EMID1: variants seen among roughly 807,000 people sequenced by gnomAD.
EMID1 encodes the protein EMI domain containing 1.
EMID1 carries 40 observed loss-of-function variants against 60.6 expected under a neutral mutation model. The ratio of observed to expected loss-of-function variants is 0.66; its 90% CI spans 0.51 to 0.86. The LOEUF is 0.86. EMID1 is among the 40% of genes least tolerant of loss of function. EMID1 has a pLI of 0.00. For missense variants in EMID1, 585 were observed against 597.1 expected (o/e 0.98, Z 0.21); for synonymous variants, 242 against 231.0 (o/e 1.05, Z -0.43).
intron 14 of EMID1, among the ~76,000 whole-genome samples, chr22:29,256,826 G>A (rs999517993): frequency 2.0e-5 from 3 of 152,132 alleles, no homozygotes; most frequent in Non-Finnish European, 4.4e-5. Flanking sequence ...CCTTGAGAGA[G>A]TCCTGCCTGT....
At position 29,230,916 on chromosome 22, in the gene EMID1, C is replaced by T. The variant is rs1404675292; in HGVS notation, c.466-104C>T. 4 of 1,456,262 alleles carry T rather than the reference C, an allele frequency of 2.7e-6. No individual in the cohort carries two copies. The East Asian group carries it at 9.7e-5, about 35-fold the overall frequency. The allele number at this position is 1,456,262 out of a possible 1,614,324, so 90.2% of individuals were successfully genotyped here. A position where few individuals can be genotyped will look rare whatever the true frequency, so the allele number is the denominator to read the frequency against. ...GGCTGCATGAGCCGTCATAGTACTA[C>T]TGCATTCTAGCCTGGGCAACAGAGC... On this transcript the variant is annotated intron_variant, in intron 5 of 14. Coordinates refer to ENST00000334018, the MANE Select transcript of EMID1 (RefSeq NM_133455.4).
At chr22:29,240,052 G>A (rs1416575228) in intron 12 of EMID1, among the ~76,000 whole-genome samples, 2 of 152,140 alleles carry the variant, frequency 1.3e-5, no homozygotes, top group Admixed American at 1.3e-4. Flanking sequence ...AGCTCAGGCA[G>A]TCCACCCATC....
chr22:29,225,791 G>A (rs1203046978), intron 4 of EMID1, among the ~76,000 whole-genome samples: 1 of 152,256 alleles, frequency 6.6e-6, no homozygotes, highest in Non-Finnish European at 1.5e-5. Flanking sequence ...CGTGAGGAGG[G>A]GAGAGACTGC....
chr22:29,229,441 C>T lies in EMID1; in HGVS notation c.466-1579C>T, dbSNP rs959701815. ...GGCGGATCACATGAGGTCAGGAGTTCGAGACCAGCCTGACCAACATGGAGA... is the reference window on the plus strand; with the variant it reads ...GGCGGATCACATGAGGTCAGGAGTTTGAGACCAGCCTGACCAACATGGAGA... On this transcript the variant is annotated intron_variant, in intron 5 of 14. Coordinates refer to ENST00000334018, the MANE Select transcript of EMID1 (RefSeq NM_133455.4). Among the ~76,000 whole-genome samples, 6 of 151,922 alleles carry T rather than the reference C, an allele frequency of 3.9e-5. No homozygotes were observed. In the South Asian group the frequency reaches 6.2e-4, roughly 16 times the overall value.
chr22:29,221,597 A>G (rs2040303965), intron 3 of EMID1, among the ~76,000 whole-genome samples: 1 of 152,080 alleles, frequency 6.6e-6, no homozygotes, highest in Non-Finnish European at 1.5e-5. Flanking sequence ...GATGGTCTCG[A>G]TCTCCTGACC....
At chr22:29,240,191 T>C (rs935246754) in intron 12 of EMID1, among the ~76,000 whole-genome samples, 1 of 152,132 alleles carries the variant, frequency 6.6e-6, no homozygotes, top group Non-Finnish European at 1.5e-5. Context: ...TTTTGTTTTG[T>C]TTTTGTTTGG....
intron 3 of EMID1, among the ~76,000 whole-genome samples, 160 bp downstream of exon 3, chr22:29,215,790 T>TC (rs953639823): frequency 6.6e-6 from 1 of 151,944 alleles, no homozygotes; most frequent in African/African-American, 2.4e-5. Flanking sequence ...GTGCTTGTTG[T>TC]CCCCCCTGCC....
chr22:29,255,218 C>G (rs2041659986), intron 14 of EMID1: 1 of 1,216,300 alleles, frequency 8.2e-7, no homozygotes, highest in Non-Finnish European at 1.1e-6. Context: ...GCTCCCCAGC[C>G]CAGCCCTCGG....
Position 29,225,218 on chromosome 22 carries a change from T to C in EMID1, c.403+2T>C. 1.2e-6 allele frequency: 2 copies of C among 1,613,402 alleles called. 1 individual carries two copies. The highest frequency in any genetic ancestry group is 3.3e-4 in the Middle Eastern group (2 of 6,058). On this transcript the variant is annotated splice_donor_variant, in intron 4 of 14. Coordinates refer to ENST00000334018, the MANE Select transcript of EMID1 (RefSeq NM_133455.4). LOFTEE classifies it high-confidence loss of function. Reference sequence around the variant, plus strand: ...CGCTTCGGCCCACAGCCTTCTCAGGTGGGTCCTGGGATAGCTTCTTGAGGT... The same window carrying C: ...CGCTTCGGCCCACAGCCTTCTCAGGCGGGTCCTGGGATAGCTTCTTGAGGT...
chr22:29,252,602 A>G (rs2146450429), intron 13 of EMID1, among the ~76,000 whole-genome samples: 1 of 152,170 alleles, frequency 6.6e-6, no homozygotes, highest in South Asian at 2.1e-4. Flanking sequence ...TATGCTGGGG[A>G]AGGAAAGGAT....
chr22:29,209,909 G>A (rs566295526), intron 1 of EMID1, among the ~76,000 whole-genome samples: 2 of 152,272 alleles, frequency 1.3e-5, no homozygotes, highest in East Asian at 3.9e-4. Context: ...ACTCCACAGT[G>A]GGTGGTGGCA....
At chr22:29,240,438 G>A (rs979163722) in intron 12 of EMID1, among the ~76,000 whole-genome samples, 6 of 152,076 alleles carry the variant, frequency 3.9e-5, no homozygotes, top group African/African-American at 7.3e-5. Context: ...AGAACCCCTC[G>A]TGGCCTTTGG....
In EMID1 at chr22:29,247,524, C is replaced by T. The variant is rs200709043; in HGVS notation, c.1119+4035C>T. Among the ~76,000 whole-genome samples, 16 of 152,352 alleles carry T rather than the reference C, an allele frequency of 1.1e-4. No individual in the cohort carries two copies. In the East Asian group the frequency reaches 2.3e-3, roughly 22 times the overall value. ...TCCCAGGCTACAAACCTAAACAGCACGTTACTACGCTAAATATTGCAGGCA... is the reference window on the plus strand; with the variant it reads ...TCCCAGGCTACAAACCTAAACAGCATGTTACTACGCTAAATATTGCAGGCA... On this transcript the variant is annotated intron_variant, in intron 13 of 14. Coordinates refer to ENST00000334018, the MANE Select transcript of EMID1 (RefSeq NM_133455.4).
intron 4 of EMID1, 30 bp downstream of exon 4, chr22:29,225,246 C>G (rs767043175): frequency 6.2e-7 from 1 of 1,611,052 alleles, no homozygotes; most frequent in Non-Finnish European, 8.5e-7. Flanking sequence ...CTTGAGGTCC[C>G]CCTGGGCTGA....
intron 14 of EMID1, chr22:29,255,637 T>C (rs1423060304): frequency 3.2e-6 from 1 of 311,664 alleles, no homozygotes; most frequent in East Asian, 5.1e-5. Flanking sequence ...GCTGGGGGGC[T>C]CAGGAGAACC....
chr22:29,232,343 C>G lies in EMID1; in HGVS notation c.764C>G (p.Pro255Arg). The G allele has an allele frequency of 1.2e-6, 2 of 1,607,262 alleles. No individual in the cohort carries two copies. The highest frequency in any genetic ancestry group is 4.5e-5 in the East Asian group (2 of 44,816). Residue 255 changes from proline (P) to arginine (R), a missense_variant, in exon 8 of 15, where the codon CCT becomes CGT. Transcript: ENST00000334018. The stretch of plus-strand genomic sequence containing the variant: ...GGACCTCCTGGGCCACCAGGGCCTC[C>G]TGGCCCCCCTGGGCCCCCAGCCCCT... The part of the protein sequence containing the change: ...ERGPPGPPGP[P>R]GPPGPPAPVG...
intron 13 of EMID1, among the ~76,000 whole-genome samples, chr22:29,251,324 C>T (rs959486849): frequency 6.6e-6 from 1 of 151,826 alleles, no homozygotes; most frequent in Non-Finnish European, 1.5e-5. Context: ...TCAAGCAGTC[C>T]ACCCACCTCA....
intron 4 of EMID1, 64 bp downstream of exon 4, chr22:29,225,280 G>T (rs772994504): frequency 4.5e-6 from 7 of 1,552,468 alleles, no homozygotes; most frequent in Non-Finnish European, 5.3e-6. Context: ...GGGGCTCAGG[G>T]CAGTTTGGTA....
intron 3 of EMID1, among the ~76,000 whole-genome samples, chr22:29,221,393 GAGA>G (rs1253089222): frequency 6.6e-6 from 1 of 152,150 alleles, no homozygotes; most frequent in Non-Finnish European, 1.5e-5. Context: ...CTGTGTTTTT[GAGA>G]AGGAGTCTTG....
Sources: gnomAD v4.1 joint callset for allele counts (sites outside exome capture counted in the v4.1 genomes callset) on GRCh38, gnomAD v4.1.1 for gene constraint, MANE v1.5 for transcripts, NCBI Gene and HGNC (gene_info 2026-07-23, HGNC 2026-07-21) for gene names.